The following PTPRT variants were observed in gnomAD, a reference collection of about 807,000 sequenced individuals.
The protein encoded by PTPRT is protein tyrosine phosphatase receptor type T, also known as receptor-type tyrosine-protein phosphatase T.
A neutral mutation model predicts 176.8 loss-of-function variants in PTPRT; 56 were observed. The observed-to-expected ratio is 0.32, with a 90% CI of 0.26 to 0.40. PTPRT has a LOEUF of 0.40. Ranked by LOEUF, PTPRT falls within the 10% of genes least tolerant of loss-of-function variation. The pLI is 1.00. For synonymous variants in PTPRT, 783 were observed against 739.0 expected (o/e 1.06, Z -0.96); for missense variants, 1,540 against 1,908.2 (o/e 0.81, Z 3.60).
intron 6 of PTPRT, among the ~76,000 whole-genome samples, chr20:42,744,062 T>C (rs2145352185): frequency 6.6e-6 from 1 of 152,354 alleles, no homozygotes. Flanking sequence ...ACAAGGACAG[T>C]TCCCATGACC....
chr20:42,106,226 AT>A (rs1393363361), intron 24 of PTPRT, among the ~76,000 whole-genome samples: 1 of 152,190 alleles, frequency 6.6e-6, no homozygotes, highest in African/African-American at 2.4e-5. Context: ...AACAATAAAG[AT>A]TAATTCCTTT....
chr20:42,757,325 C>T (rs2076849422), intron 5 of PTPRT, among the ~76,000 whole-genome samples: 1 of 152,126 alleles, frequency 6.6e-6, no homozygotes, highest in Admixed American at 6.5e-5. Context: ...AGTGAAAACC[C>T]AGCCCATGGA....
chr20:42,287,383 G>A (rs2057248238), intron 12 of PTPRT, among the ~76,000 whole-genome samples: 2 of 151,894 alleles, frequency 1.3e-5, no homozygotes, highest in Admixed American at 1.3e-4. Context: ...ATACAACAAG[G>A]AGTACTATTC....
intron 2 of PTPRT, among the ~76,000 whole-genome samples, chr20:42,869,058 T>TA (rs994535552): frequency 1.1e-4 from 16 of 152,276 alleles, no homozygotes; most frequent in Admixed American, 5.2e-4. Context: ...GGGGCATGGC[T>TA]ACCTCCACCC....
rs367570973 is a variant in PTPRT, at chr20:42,288,771, G to A, written c.2140-6246C>T. On this transcript the variant is annotated intron_variant, in intron 12 of 30. Transcript: ENST00000373187. Reference sequence around the variant, plus strand: ...TTTCTTTATCCAACCCACCACTAACGGGCACCTAGGTTGATTCCATGTCTT... The same window carrying A: ...TTTCTTTATCCAACCCACCACTAACAGGCACCTAGGTTGATTCCATGTCTT... Among the ~76,000 whole-genome samples, 34 of 151,938 alleles carry A rather than the reference G, an allele frequency of 2.2e-4. No homozygotes were observed. The East Asian group carries it at 5.2e-3, about 23-fold the overall frequency.
intron 1 of PTPRT, among the ~76,000 whole-genome samples, chr20:42,929,658 C>T (rs1979711260): frequency 6.6e-6 from 1 of 152,154 alleles, no homozygotes; most frequent in Non-Finnish European, 1.5e-5. Context: ...GGCTTGGAGC[C>T]CATTTTGAAC....
intron 27 of PTPRT, among the ~76,000 whole-genome samples, chr20:42,086,753 A>ATATATATAT (rs60067837): frequency 1.0e-5 from 1 of 95,540 alleles, no homozygotes; most frequent in African/African-American, 4.9e-5. Context: ...AAAAAAAAAA[A>ATATATATAT]ATATATATAT....
At chr20:42,537,905 T>A (rs939577207) in intron 7 of PTPRT, among the ~76,000 whole-genome samples, 5 of 152,202 alleles carry the variant, frequency 3.3e-5, no homozygotes, top group Non-Finnish European at 7.3e-5. Context: ...GCATAAGGTA[T>A]ACCACCAATG....
intron 15 of PTPRT, among the ~76,000 whole-genome samples, chr20:42,216,795 A>T (rs2055782233): frequency 6.6e-6 from 1 of 152,082 alleles, no homozygotes; most frequent in Non-Finnish European, 1.5e-5. Flanking sequence ...GCAGGGTCCT[A>T]CTTACTATTC....
At chr20:43,159,990 T>C (rs528336075) in intron 1 of PTPRT, among the ~76,000 whole-genome samples, 1 of 135,476 alleles carries the variant, frequency 7.4e-6, no homozygotes, top group Non-Finnish European at 1.6e-5. Context: ...AATCCCTTCT[T>C]ACTTCCCCCT....
At chr20:42,672,332 C>T (rs765545381) in intron 7 of PTPRT, among the ~76,000 whole-genome samples, 1 of 152,196 alleles carries the variant, frequency 6.6e-6, no homozygotes, top group South Asian at 2.1e-4. Flanking sequence ...TGCTTCCTGT[C>T]CTTGTACATC....
intron 1 of PTPRT, among the ~76,000 whole-genome samples, chr20:42,960,572 C>T (rs372892745): frequency 1.3e-5 from 2 of 152,126 alleles, no homozygotes; most frequent in African/African-American, 4.8e-5. Context: ...CTCATGTAGT[C>T]GCATTAATAG....
At chr20:42,912,478 A>C (rs1005442862) in intron 1 of PTPRT, among the ~76,000 whole-genome samples, 1 of 152,190 alleles carries the variant, frequency 6.6e-6, no homozygotes, top group African/African-American at 2.4e-5. Flanking sequence ...ATTTTCAGTT[A>C]TAAACATTTC....
At chr20:42,199,962 G>A (rs372938721) in intron 15 of PTPRT, among the ~76,000 whole-genome samples, 8 of 151,728 alleles carry the variant, frequency 5.3e-5, no homozygotes, top group East Asian at 3.9e-4. Flanking sequence ...AGAACCAGAC[G>A]GATATTATCA....
Position 42,286,279 on chromosome 20 carries a change from C to T in PTPRT, c.2140-3754G>A, listed in dbSNP as rs189925128. 3.8e-4 allele frequency among the ~76,000 whole-genome samples: 57 copies of T among 151,890 alleles called. 1 individual carries two copies. The highest frequency in any genetic ancestry group is 2.1e-3 in the Admixed American group (32 of 15,222). On this transcript the variant is annotated intron_variant, in intron 12 of 30. Coordinates refer to ENST00000373187, the MANE Select transcript of PTPRT (RefSeq NM_007050.6). ...AAGACCGCAAATAGCCAAAACAGTCCTGAGCAAAAAGAACAAAGCTAGAGG... is the reference window on the plus strand; with the variant it reads ...AAGACCGCAAATAGCCAAAACAGTCTTGAGCAAAAAGAACAAAGCTAGAGG...
chr20:42,238,255 G>A (rs926330749), intron 14 of PTPRT, among the ~76,000 whole-genome samples: 7 of 152,180 alleles, frequency 4.6e-5, no homozygotes, highest in African/African-American at 1.7e-4. Flanking sequence ...GAAGGAAAGT[G>A]AGTCTAAAAG....
intron 6 of PTPRT, among the ~76,000 whole-genome samples, chr20:42,751,646 T>C (rs931338015): frequency 6.6e-6 from 1 of 152,110 alleles, no homozygotes; most frequent in Non-Finnish European, 1.5e-5. Context: ...CAGAAGAAGG[T>C]GAAAGAAGCG....
At chr20:42,505,167 T>C (rs1254506018) in intron 7 of PTPRT, among the ~76,000 whole-genome samples, 1 of 152,194 alleles carries the variant, frequency 6.6e-6, no homozygotes, top group Non-Finnish European at 1.5e-5. Flanking sequence ...AAGTGATTCT[T>C]AAGTTACGTA....
intron 1 of PTPRT, among the ~76,000 whole-genome samples, chr20:43,061,991 T>A (rs1255363937): frequency 6.6e-6 from 1 of 152,172 alleles, no homozygotes; most frequent in Non-Finnish European, 1.5e-5. Flanking sequence ...CAAAAGCAGA[T>A]GAACACAAAA....
Sources: gnomAD v4.1 joint callset for allele counts (sites outside exome capture counted in the v4.1 genomes callset) on GRCh38, gnomAD v4.1.1 for gene constraint, MANE v1.5 for transcripts, NCBI Gene and HGNC (gene_info 2026-07-23, HGNC 2026-07-21) for gene names.